Variants in PRKG1 observed in about 807,000 individuals in gnomAD.
The protein encoded by PRKG1 is protein kinase cGMP-dependent 1, also known as cGMP-dependent protein kinase 1.
PRKG1 carries 35 observed loss-of-function variants against 88.1 expected under a neutral mutation model. That is an observed-to-expected ratio of 0.40 (90% CI 0.30 to 0.53). The LOEUF (loss-of-function observed/expected upper bound fraction) is 0.53. Ranked by LOEUF, PRKG1 falls within the 20% of genes least tolerant of loss-of-function variation. The probability of loss-of-function intolerance (pLI) is 0.59; values close to 1 mark genes in which losing one functional copy is unlikely to be tolerated. For synonymous variants in PRKG1, 303 were observed against 292.5 expected (o/e 1.04, Z -0.37); for missense variants, 540 against 839.8 (o/e 0.64, Z 4.41).
chr10:51,790,174 A>C (rs976044347), intron 3 of PRKG1, among the ~76,000 whole-genome samples: 1 of 152,124 alleles, frequency 6.6e-6, no homozygotes, highest in African/African-American at 2.4e-5. Context: ...CTAAATCTGG[A>C]TGCAATTTAC....
At chr10:51,834,315 A>G (rs1340358549) in intron 4 of PRKG1, among the ~76,000 whole-genome samples, 1 of 152,156 alleles carries the variant, frequency 6.6e-6, no homozygotes, top group Non-Finnish European at 1.5e-5. Context: ...TTTGCAAAAC[A>G]GAACTGTGTT....
intron 4 of PRKG1, among the ~76,000 whole-genome samples, chr10:51,841,337 C>T (rs1324246950): frequency 6.6e-6 from 1 of 152,074 alleles, no homozygotes; most frequent in African/African-American, 2.4e-5. Context: ...TCAAACAGTT[C>T]ATAGTCAAAT....
chr10:51,932,785 G>A (rs1842721807), intron 5 of PRKG1, among the ~76,000 whole-genome samples: 1 of 152,040 alleles, frequency 6.6e-6, no homozygotes, highest in African/African-American at 2.4e-5. Flanking sequence ...GGAGCTTTCA[G>A]TTACATCTAT....
intron 1 of PRKG1, among the ~76,000 whole-genome samples, chr10:51,146,804 A>G (rs1441242855): frequency 6.6e-6 from 1 of 152,140 alleles, no homozygotes; most frequent in Admixed American, 6.5e-5. Context: ...GTATTTATTC[A>G]AAGGAAAGAA....
At chr10:52,089,307 G>A (rs1846992826) in intron 7 of PRKG1, among the ~76,000 whole-genome samples, 1 of 152,130 alleles carries the variant, frequency 6.6e-6, no homozygotes, top group African/African-American at 2.4e-5. Context: ...CCACAGCTGT[G>A]AAAAATGCAT....
rs147930946 is a variant in PRKG1, at chr10:51,047,304, A to C, written c.266+55660A>C. Among the ~76,000 whole-genome samples, 6 of 152,334 alleles carry C rather than the reference A, an allele frequency of 3.9e-5. No individual in the cohort carries two copies. In the East Asian group the frequency reaches 1.2e-3, roughly 29 times the overall value. On this transcript the variant is annotated intron_variant, in intron 1 of 17. Transcript: ENST00000401604. Reference sequence around the variant, plus strand: ...ACTTTGACCTTAAAGCAAGTTACTTACATTCTGTAAGCCCCAGTTTCCTTG... The same window carrying C: ...ACTTTGACCTTAAAGCAAGTTACTTCCATTCTGTAAGCCCCAGTTTCCTTG...
At chr10:51,127,262 GAACAAC>G (rs760886325) in intron 1 of PRKG1, among the ~76,000 whole-genome samples, 95 of 151,902 alleles carry the variant, frequency 6.3e-4, no homozygotes, top group African/African-American at 2.1e-3. Context: ...TAATTTACAA[GAACAAC>G]AACAACAACA....
At chr10:51,284,452 C>T (rs1356761189) in intron 2 of PRKG1, among the ~76,000 whole-genome samples, 3 of 152,188 alleles carry the variant, frequency 2.0e-5, no homozygotes, top group Non-Finnish European at 4.4e-5. Context: ...TTTTCCTCTA[C>T]GTTACACTGA....
intron 2 of PRKG1, among the ~76,000 whole-genome samples, chr10:51,289,938 A>G (rs546716149): frequency 2.8e-4 from 42 of 152,232 alleles, no homozygotes; most frequent in African/African-American, 9.9e-4. Context: ...AATTTATATG[A>G]TGTCCATGCC....
At chr10:52,083,957 T>C (rs1045553145) in intron 7 of PRKG1, among the ~76,000 whole-genome samples, 1 of 152,056 alleles carries the variant, frequency 6.6e-6, no homozygotes, top group Non-Finnish European at 1.5e-5. Context: ...GAATTTTAAG[T>C]AACTGTTTTA....
intron 7 of PRKG1, among the ~76,000 whole-genome samples, chr10:52,128,911 A>T (rs994030264): frequency 6.6e-6 from 1 of 152,224 alleles, no homozygotes; most frequent in African/African-American, 2.4e-5. Context: ...ATTATAAAAA[A>T]GCAAGTCTAG....
intron 2 of PRKG1, among the ~76,000 whole-genome samples, chr10:51,432,884 G>A (rs954410992): frequency 1.6e-4 from 24 of 152,110 alleles, no homozygotes; most frequent in Non-Finnish European, 1.5e-5. Flanking sequence ...ATATCTTGCT[G>A]GGAGCATGAC....
At chr10:51,409,964 C>A (rs1838032679) in intron 2 of PRKG1, among the ~76,000 whole-genome samples, 1 of 151,496 alleles carries the variant, frequency 6.6e-6, no homozygotes, top group South Asian at 2.1e-4. Context: ...CCAGAGGCTT[C>A]AGACAGCATC....
intron 3 of PRKG1, among the ~76,000 whole-genome samples, chr10:51,758,013 A>T (rs954860152): frequency 6.6e-6 from 1 of 152,200 alleles, no homozygotes; most frequent in Non-Finnish European, 1.5e-5. Context: ...TAAGTTTTGT[A>T]GATACTACTG....
intron 5 of PRKG1, among the ~76,000 whole-genome samples, chr10:52,011,723 C>T (rs1278936246): frequency 6.6e-6 from 1 of 152,138 alleles, no homozygotes; most frequent in African/African-American, 2.4e-5. Context: ...TTTCTAGTCA[C>T]CTCTTGATAT....
At chr10:51,561,535 T>C (rs146361843) in intron 3 of PRKG1, among the ~76,000 whole-genome samples, 3 of 152,146 alleles carry the variant, frequency 2.0e-5, no homozygotes, top group Admixed American at 1.3e-4. Flanking sequence ...TTTGTTTCTA[T>C]GTTATAGATG....
chr10:52,207,042 C>A (rs7898960), intron 9 of PRKG1, among the ~76,000 whole-genome samples: 23,584 of 152,184 alleles, frequency 0.15, 2,069 homozygotes, highest in South Asian at 0.26. Context: ...AGGGGCATTG[C>A]AATGGCATTC....
At chr10:51,736,243 T>A (rs1426244414) in intron 3 of PRKG1, among the ~76,000 whole-genome samples, 1 of 152,032 alleles carries the variant, frequency 6.6e-6, no homozygotes, top group Non-Finnish European at 1.5e-5. Flanking sequence ...CATAGTGTCA[T>A]CTGGCATTGG....
chr10:51,771,717 A>C (rs1838309314), intron 3 of PRKG1, among the ~76,000 whole-genome samples: 1 of 152,172 alleles, frequency 6.6e-6, no homozygotes, highest in African/African-American at 2.4e-5. Context: ...GAGGAGATGA[A>C]CAAACTGTTA....
Sources: allele counts gnomAD v4.1 joint callset (sites outside exome capture counted in the v4.1 genomes callset), GRCh38; gene constraint gnomAD v4.1.1; transcripts MANE v1.5; gene names NCBI Gene and HGNC (gene_info 2026-07-23, HGNC 2026-07-21).